Variants in SLC8A3 observed in about 807,000 individuals in gnomAD.
The protein encoded by SLC8A3 is sodium/calcium exchanger 3.
SLC8A3 carries 37 observed loss-of-function variants against 65.4 expected under a neutral mutation model. The observed-to-expected ratio is 0.57, with a 90% CI of 0.44 to 0.74. SLC8A3 has a LOEUF of 0.74. Ranked by LOEUF, SLC8A3 falls within the 30% of genes least tolerant of loss-of-function variation. SLC8A3 has a pLI of 0.00. For missense variants in SLC8A3, 1,112 were observed against 1,172.1 expected (o/e 0.95, Z 0.75); for synonymous variants, 461 against 444.5 (o/e 1.04, Z -0.47).
chr14:70,087,640 T>C (rs1891528526), intron 2 of SLC8A3, among the ~76,000 whole-genome samples: 1 of 152,236 alleles, frequency 6.6e-6, no homozygotes, highest in African/African-American at 2.4e-5. Context: ...TGAGCTGCCA[T>C]TTACAATTTT....
intron 1 of SLC8A3, among the ~76,000 whole-genome samples, chr14:70,181,168 C>T (rs1477805730): frequency 2.6e-5 from 4 of 152,150 alleles, no homozygotes; most frequent in African/African-American, 9.7e-5. Flanking sequence ...TGAGTCTTAC[C>T]TGTGGTTGTC....
intron 2 of SLC8A3, among the ~76,000 whole-genome samples, chr14:70,079,633 C>T (rs1322915146): frequency 6.6e-6 from 1 of 152,120 alleles, no homozygotes; most frequent in Non-Finnish European, 1.5e-5. Flanking sequence ...ATCATAATGG[C>T]CCCCACCCCC....
At chr14:70,132,887 G>T (rs1380792850) in intron 2 of SLC8A3, among the ~76,000 whole-genome samples, 4 of 152,170 alleles carry the variant, frequency 2.6e-5, no homozygotes, top group African/African-American at 4.8e-5. Context: ...ATCTGTTTTT[G>T]GGGGGCCAGC....
chr14:70,109,312 C>T (rs1351222439), intron 2 of SLC8A3, among the ~76,000 whole-genome samples: 2 of 146,798 alleles, frequency 1.4e-5, no homozygotes, highest in Non-Finnish European at 3.0e-5. Flanking sequence ...TATATATATA[C>T]ACATTATATA....
chr14:70,060,634 A>AATTTCTTCATTGCCCTTGG, intron 3 of SLC8A3: 1 of 718,506 alleles, frequency 1.4e-6, no homozygotes. Context: ...GAAGGCAGAG[A>AATTTCTTCATTGCCCTTGG]TGATACCGAA....
intron 2 of SLC8A3, among the ~76,000 whole-genome samples, chr14:70,091,290 T>G (rs1273227591): frequency 1.3e-5 from 2 of 152,212 alleles, no homozygotes; most frequent in Non-Finnish European, 2.9e-5. Context: ...AAATAGCTCC[T>G]TTTTTAATAA....
chr14:70,057,515 G>T (rs953654139), intron 3 of SLC8A3, among the ~76,000 whole-genome samples: 2 of 152,252 alleles, frequency 1.3e-5, no homozygotes, highest in African/African-American at 4.8e-5. Flanking sequence ...CCGAACATCT[G>T]GCCCATCCCT....
At chr14:70,107,887 C>T (rs1393828120) in intron 2 of SLC8A3, among the ~76,000 whole-genome samples, 1 of 152,084 alleles carries the variant, frequency 6.6e-6, no homozygotes, top group Non-Finnish European at 1.5e-5. Context: ...TTTCCAAAAA[C>T]CTCCTTTCAT....
At chr14:70,171,614 A>T (rs974493748) in intron 1 of SLC8A3, among the ~76,000 whole-genome samples, 1 of 152,308 alleles carries the variant, frequency 6.6e-6, no homozygotes, top group African/African-American at 2.4e-5. Context: ...CAGCCTGACC[A>T]ACATGGCAAA....
At chr14:70,102,607 G>A (rs1647849089) in intron 2 of SLC8A3, among the ~76,000 whole-genome samples, 1 of 152,116 alleles carries the variant, frequency 6.6e-6, no homozygotes, top group Non-Finnish European at 1.5e-5. Context: ...TGGTCATAAT[G>A]AATGAACAGA....
chr14:70,152,851 G>T lies in SLC8A3; in HGVS notation c.1784+13788C>A, dbSNP rs139479367. ...GAGCAGGGCAACTCCCTGTAGAGTGGCAGGGGGCTGTCATTACAAGGCCCA... is the reference window on the plus strand; with the variant it reads ...GAGCAGGGCAACTCCCTGTAGAGTGTCAGGGGGCTGTCATTACAAGGCCCA... On this transcript the variant is annotated intron_variant, in intron 2 of 6. Coordinates refer to ENST00000356921, the MANE Select transcript of SLC8A3 (RefSeq NM_182932.3). 6.4e-4 allele frequency among the ~76,000 whole-genome samples: 97 copies of T among 152,344 alleles called. No individual in the cohort carries two copies. In the East Asian group the frequency reaches 0.013, roughly 21 times the overall value.
chr14:70,186,697 G>A (rs1420187128), intron 1 of SLC8A3, among the ~76,000 whole-genome samples: 2 of 152,170 alleles, frequency 1.3e-5, no homozygotes, highest in African/African-American at 2.4e-5. Flanking sequence ...ATTGCAATGA[G>A]GGGCTGGGTT....
intron 1 of SLC8A3, among the ~76,000 whole-genome samples, chr14:70,182,789 T>A (rs1882866319): frequency 6.6e-6 from 1 of 152,114 alleles, no homozygotes; most frequent in Non-Finnish European, 1.5e-5. Context: ...ATATTCTTTT[T>A]AAGATGGAGT....
In SLC8A3 at chr14:70,167,352, T is replaced by A. The variant is rs200485347; in HGVS notation, c.1071A>T (p.Gln357His). 9.3e-6 allele frequency: 15 copies of A among 1,614,070 alleles called. No individual in the cohort carries two copies. Among genetic ancestry groups the A allele is most frequent in the Admixed American group, 8.3e-5 (5 of 60,000 alleles). ...CTGCACCAGTCATCATACGAGTGGCTTGGATACGGTAGAAGGCACGGCTCT... is the reference window on the plus strand; with the variant it reads ...CTGCACCAGTCATCATACGAGTGGCATGGATACGGTAGAAGGCACGGCTCT... Reference protein sequence around the residue: ...QQKSRAFYRIQATRMMTGAGN... With the variant: ...QQKSRAFYRIHATRMMTGAGN... Residue 357 changes from glutamine (Q) to histidine (H), a missense_variant, in exon 2 of 7, where the codon CAA (glutamine) becomes CAT (histidine). Physicochemically the swap from Gln to His is conservative, Grantham distance 24. Coordinates refer to ENST00000356921, the MANE Select transcript of SLC8A3 (RefSeq NM_182932.3).
At chr14:70,085,305 A>T (rs1891350770) in intron 2 of SLC8A3, among the ~76,000 whole-genome samples, 1 of 152,166 alleles carries the variant, frequency 6.6e-6, no homozygotes, top group African/African-American at 2.4e-5. Flanking sequence ...GAATAGTAAT[A>T]ATTATTATTA....
rs1347340779 is a variant in SLC8A3 at position 70,167,954 on chromosome 14, C to T, written c.469G>A (p.Gly157Ser). Reference sequence around the variant, plus strand: ...AGATCACCAGCAATGAACCCATGACCACACACCTCAATTAAAGAGAGGAGT... The same window carrying T: ...AGATCACCAGCAATGAACCCATGACTACACACCTCAATTAAAGAGAGGAGT... ...EILLSLIEVC[G>S]HGFIAGDLGP... is the part of the protein sequence containing the mutation. The change falls in exon 2 of 7, where the codon GGT becomes AGT. Residue 157 changes from glycine to serine, a missense_variant. Physicochemically the swap from Gly to Ser is moderately conservative, Grantham distance 56. Coordinates refer to ENST00000356921, the MANE Select transcript of SLC8A3 (RefSeq NM_182932.3). The T allele has an allele frequency of 5.6e-6, 9 of 1,614,116 alleles. No homozygotes were observed. The highest frequency in any genetic ancestry group is 7.6e-6 in the Non-Finnish European group (9 of 1,179,984).
chr14:70,081,069 G>A (rs888404699), intron 2 of SLC8A3, among the ~76,000 whole-genome samples: 2 of 152,186 alleles, frequency 1.3e-5, no homozygotes, highest in African/African-American at 4.8e-5. Context: ...GAAAATTTAT[G>A]TGAAGATGAA....
intron 2 of SLC8A3, among the ~76,000 whole-genome samples, chr14:70,099,413 G>A (rs1892411545): frequency 6.6e-6 from 1 of 152,200 alleles, no homozygotes; most frequent in Non-Finnish European, 1.5e-5. Flanking sequence ...CAAAGACTGT[G>A]GAATCAGATA....
intron 1 of SLC8A3, among the ~76,000 whole-genome samples, chr14:70,169,691 T>G (rs1050911302): frequency 7.7e-3 from 796 of 103,312 alleles, no homozygotes; most frequent in East Asian, 0.012. Flanking sequence ...AAAAAAAAAG[T>G]GGGGGGGGGG....
Sources: allele counts gnomAD v4.1 joint callset (sites outside exome capture counted in the v4.1 genomes callset), GRCh38; gene constraint gnomAD v4.1.1; transcripts MANE v1.5; gene names NCBI Gene and HGNC (gene_info 2026-07-23, HGNC 2026-07-21).